The following ERBB4 variants were observed in gnomAD, a reference collection of about 807,000 sequenced individuals.
ERBB4 encodes the protein erb-b2 receptor tyrosine kinase 4, also known as receptor tyrosine-protein kinase erbB-4.
Under a neutral mutation model 158.0 loss-of-function variants are expected in ERBB4, and 42 were observed. That is an observed-to-expected ratio of 0.27 (90% CI 0.21 to 0.34). The LOEUF is 0.34. Ranked by LOEUF, ERBB4 falls within the 10% of genes least tolerant of loss-of-function variation. The pLI is 1.00. For missense variants in ERBB4, 1,333 were observed against 1,624.1 expected, an observed-to-expected ratio of 0.82 and a Z score of 3.08; for synonymous variants, 583 against 558.7, an observed-to-expected ratio of 1.04 and a Z score of -0.61.
At chr2:212,119,421 G>T (rs990546126) in intron 2 of ERBB4, among the ~76,000 whole-genome samples, 5 of 152,116 alleles carry the variant, frequency 3.3e-5, no homozygotes, top group African/African-American at 1.2e-4. Flanking sequence ...CAGTAGCAAA[G>T]AAGACCAATG....
At chr2:212,189,728 T>C (rs1446368110) in intron 1 of ERBB4, among the ~76,000 whole-genome samples, 2 of 152,200 alleles carry the variant, frequency 1.3e-5, no homozygotes, top group African/African-American at 2.4e-5. Context: ...TTATTACAGG[T>C]CTTTAACCTC....
At chr2:211,519,607 T>C (rs2066135373) in intron 20 of ERBB4, among the ~76,000 whole-genome samples, 1 of 151,934 alleles carries the variant, frequency 6.6e-6, no homozygotes. Flanking sequence ...AAAATGTTGC[T>C]GAATATGAAA....
At chr2:212,051,847 C>T (rs1454685807) in intron 2 of ERBB4, among the ~76,000 whole-genome samples, 2 of 152,058 alleles carry the variant, frequency 1.3e-5, no homozygotes, top group African/African-American at 4.8e-5. Context: ...ATTACAATAT[C>T]ATTCTTAAAT....
intron 1 of ERBB4, among the ~76,000 whole-genome samples, chr2:212,249,304 T>C (rs2084431591): frequency 6.6e-6 from 1 of 151,838 alleles, no homozygotes; most frequent in Non-Finnish European, 1.5e-5. Context: ...TATATATGTA[T>C]GTATATGTGT....
intron 16 of ERBB4, among the ~76,000 whole-genome samples, chr2:211,636,433 T>C (rs142782383): frequency 9.9e-5 from 15 of 151,990 alleles, no homozygotes; most frequent in Admixed American, 3.3e-4. Flanking sequence ...AAAAAATAAA[T>C]GCAGAAGGAA....
chr2:212,534,666 T>C (rs1692943352), intron 1 of ERBB4, among the ~76,000 whole-genome samples: 1 of 152,054 alleles, frequency 6.6e-6, no homozygotes, highest in Non-Finnish European at 1.5e-5. Flanking sequence ...AAAATATATA[T>C]TAACACATGT....
intron 2 of ERBB4, among the ~76,000 whole-genome samples, chr2:212,055,547 C>A (rs924623352): frequency 6.6e-6 from 1 of 152,228 alleles, no homozygotes; most frequent in Non-Finnish European, 1.5e-5. Context: ...CAGACTGACA[C>A]CTCACACAGC....
intron 7 of ERBB4, among the ~76,000 whole-genome samples, chr2:211,718,042 G>C (rs760633221): frequency 2.6e-5 from 4 of 152,010 alleles, no homozygotes; most frequent in Non-Finnish European, 5.9e-5. Flanking sequence ...TTCCCAAATA[G>C]CTGGGATTAC....
intron 1 of ERBB4, among the ~76,000 whole-genome samples, chr2:212,271,501 TATCAG>T (rs1470532753): frequency 6.6e-6 from 1 of 151,828 alleles, no homozygotes; most frequent in Non-Finnish European, 1.5e-5. Context: ...TTTAAAGATT[TATCAG>T]TATCTTTAAT....
intron 5 of ERBB4, among the ~76,000 whole-genome samples, chr2:211,726,903 C>T (rs930896115): frequency 6.6e-6 from 1 of 152,166 alleles, no homozygotes; most frequent in African/African-American, 2.4e-5. Flanking sequence ...AATCACATTA[C>T]TCTGTTTCTC....
At chr2:212,419,082 ATG>A (rs2091729104) in intron 1 of ERBB4, among the ~76,000 whole-genome samples, 1 of 151,422 alleles carries the variant, frequency 6.6e-6, no homozygotes, top group Non-Finnish European at 1.5e-5. Flanking sequence ...ACTTCTTACT[ATG>A]TATACAGTAC....
In ERBB4 at chr2:211,460,999, T is replaced by G. The variant is rs555906877; in HGVS notation, c.2488-29899A>C. ...TCATTTTAGGAACTGAAAAATGAAG[T>G]ACAGCAATGCTTCAACCTGGTATTA... On this transcript the variant is annotated intron_variant, in intron 20 of 27. Coordinates refer to ENST00000342788, the MANE Select transcript of ERBB4 (RefSeq NM_005235.3). 4.9e-4 allele frequency among the ~76,000 whole-genome samples: 75 copies of G among 152,182 alleles called. 2 individuals are homozygous for G. In the South Asian group the frequency reaches 0.015, roughly 31 times the overall value.
At chr2:212,449,198 T>C (rs979301204) in intron 1 of ERBB4, among the ~76,000 whole-genome samples, 1 of 152,186 alleles carries the variant, frequency 6.6e-6, no homozygotes, top group African/African-American at 2.4e-5. Flanking sequence ...TACTTTGAAA[T>C]GGATTTAGCC....
intron 3 of ERBB4, among the ~76,000 whole-genome samples, chr2:211,894,441 T>G (rs2079049551): frequency 7.1e-6 from 1 of 140,992 alleles, no homozygotes. Context: ...GGGATAGCAT[T>G]GGGAGATATA....
At chr2:212,331,058 G>GTATATATATA in intron 1 of ERBB4, among the ~76,000 whole-genome samples, 3,521 of 51,954 alleles carry the variant, frequency 0.068, 291 homozygotes, top group East Asian at 0.099. Context: ...TTTGTAATTT[G>GTATATATATA]TATATATATA....
At chr2:212,525,157 T>C (rs1173797438) in intron 1 of ERBB4, among the ~76,000 whole-genome samples, 2 of 152,002 alleles carry the variant, frequency 1.3e-5, no homozygotes, top group Non-Finnish European at 2.9e-5. Flanking sequence ...TTACGGAAAT[T>C]TGAAAACGTC....
At chr2:212,387,197 A>G (rs1318535997) in intron 1 of ERBB4, among the ~76,000 whole-genome samples, 1 of 152,122 alleles carries the variant, frequency 6.6e-6, no homozygotes, top group Non-Finnish European at 1.5e-5. Context: ...GGTTTGGTGT[A>G]TGGAACATGA....
intron 25 of ERBB4, among the ~76,000 whole-genome samples, chr2:211,420,154 G>GT (rs2125402712): frequency 6.6e-6 from 1 of 152,078 alleles, no homozygotes; most frequent in Non-Finnish European, 1.5e-5. Context: ...AGTTGGAATT[G>GT]TTTTTTAAAG....
In ERBB4 at chr2:211,867,024, CAAAAAAAAAAAAAAAAA is replaced by C. The variant is rs386392490; in HGVS notation, c.422-78882_422-78866del. Among the ~76,000 whole-genome samples, 115 of 60,636 alleles carry C rather than the reference CAAAAAAAAAAAAAAAAA, an allele frequency of 1.9e-3. 2 individuals carry two copies. Among genetic ancestry groups the C allele is most frequent in the African/African-American group, 7.7e-3 (111 of 14,502 alleles). 39.8% of individuals were successfully genotyped at this position (60,636 alleles called of 152,430 possible). Reference sequence around the variant, plus strand: ...TATTAAACTCTCCATTCCTTAAAACCAAAAAAAAAAAAAAAAAAAAAAAAAAAGATCGTGTTCTTTCC... The same window carrying C: ...TATTAAACTCTCCATTCCTTAAAACCAAAAAAAAAAGATCGTGTTCTTTCC... On this transcript the variant is annotated intron_variant, in intron 3 of 27. Coordinates refer to ENST00000342788, the MANE Select transcript of ERBB4 (RefSeq NM_005235.3).
Sources: allele counts gnomAD v4.1 joint callset (sites outside exome capture counted in the v4.1 genomes callset), GRCh38; gene constraint gnomAD v4.1.1; transcripts MANE v1.5; gene names NCBI Gene and HGNC (gene_info 2026-07-23, HGNC 2026-07-21).